Variants in RGPD4 observed in about 807,000 individuals in gnomAD.
RGPD4 encodes RANBP2 like and GRIP domain containing 4.
RGPD4 carries 84 observed loss-of-function variants against 141.1 expected under a neutral mutation model. The observed-to-expected ratio is 0.60, with a 90% CI of 0.50 to 0.71. RGPD4 has a LOEUF of 0.71. RGPD4 is among the 30% of genes least tolerant of loss of function. The pLI is 0.00. For missense variants in RGPD4, 918 were observed against 1,622.4 expected, an observed-to-expected ratio of 0.57 and a Z score of 7.46; for synonymous variants, 298 against 566.8, an observed-to-expected ratio of 0.53 and a Z score of 6.74.
chr2:107,853,541 A>G (rs781599162), intron 7 of RGPD4, among the ~76,000 whole-genome samples: 4,280 of 121,094 alleles, frequency 0.035, 55 homozygotes, highest in African/African-American at 0.06. Flanking sequence ...AAAATGTGTT[A>G]TCTACAATGT....
rs1682977976 is a variant in RGPD4, at chr2:107,872,767, T to C, written c.4763T>C (p.Val1588Ala). The C allele has an allele frequency of 6.2e-7, 1 of 1,611,382 alleles. No homozygotes were observed. The highest frequency in any genetic ancestry group is 1.3e-5 in the African/African-American group (1 of 74,388). ...LKSNNSETSSVAQSGSESKVE... is the reference protein window; with the variant it reads ...LKSNNSETSSAAQSGSESKVE... ...AGTAACAACAGTGAAACTAGTTCAGTAGCCCAGAGTGGATCTGAAAGCAAA... is the reference window on the plus strand; with the variant it reads ...AGTAACAACAGTGAAACTAGTTCAGCAGCCCAGAGTGGATCTGAAAGCAAA... Residue 1588 changes from valine to alanine, a missense_variant, in exon 20 of 23, where the codon GTA becomes GCA. Transcript: ENST00000408999.
In RGPD4 at chr2:107,890,842, T is replaced by C. The variant is rs1389376187; in HGVS notation, c.*111T>C. 4 of 1,435,906 alleles carry C rather than the reference T, an allele frequency of 2.8e-6. No individual in the cohort carries two copies. The highest frequency in any genetic ancestry group is 4.0e-5 in the Admixed American group (2 of 50,342). The allele number at this position is 1,435,906 out of a possible 1,614,324, so 88.9% of individuals were successfully genotyped here. On this transcript the variant is annotated 3_prime_UTR_variant, in exon 23 of 23. Transcript: ENST00000408999. ...ACCAAATAAAATCTATTTACAAAAA[T>C]GGTTCATGTGTATTACCATCATTCT...
Position 107,872,821 on chromosome 2 carries a change from A to G in RGPD4, c.4817A>G (p.Lys1606Arg), listed in dbSNP as rs1244228585. 1 of 1,609,064 alleles carries G rather than the reference A, an allele frequency of 6.2e-7. No individual in the cohort carries two copies. Among genetic ancestry groups the G allele is most frequent in the Non-Finnish European group, 8.5e-7 (1 of 1,179,178 alleles). ...KVEPKKCELSKNSDIEQSSDS... is the reference protein window; with the variant it reads ...KVEPKKCELSRNSDIEQSSDS... The stretch of plus-strand genomic sequence containing the variant: ...GAACCTAAAAAATGTGAACTGTCAA[A>G]GAACTCTGATATCGAACAGTCTTCA... Residue 1606 changes from lysine to arginine, a missense_variant, in exon 20 of 23, where the codon AAG (lysine) becomes AGG (arginine). Physicochemically the swap from Lys to Arg is conservative, Grantham distance 26. Transcript: ENST00000408999.
At chr2:107,867,218 A>G (rs1333167967) in intron 18 of RGPD4, among the ~76,000 whole-genome samples, 1 of 150,974 alleles carries the variant, frequency 6.6e-6, no homozygotes, top group African/African-American at 2.4e-5. Flanking sequence ...AAATAACAAA[A>G]TTGTTCCTTT....
chr2:107,858,602 C>T (rs1200020289), intron 9 of RGPD4, among the ~76,000 whole-genome samples: 1 of 152,114 alleles, frequency 6.6e-6, no homozygotes, highest in African/African-American at 2.4e-5. Flanking sequence ...CCGTGCTCGG[C>T]TAATTTTTTG....
chr2:107,831,572 CTTTTTTTTTTT>C (rs1166609493), intron 1 of RGPD4, among the ~76,000 whole-genome samples: 1 of 108,830 alleles, frequency 9.2e-6, no homozygotes, highest in Non-Finnish European at 1.9e-5. Context: ...CTTTTCTTTT[CTTTTTTTTTTT>C]TTTTTTTTTT....
In RGPD4 at chr2:107,836,604, G is replaced by C; in HGVS notation, c.75G>C (p.Lys25Asn). The C allele has an allele frequency of 6.7e-7, 1 of 1,499,500 alleles. No individual in the cohort carries two copies. The highest frequency in any genetic ancestry group is 9.0e-7 in the Non-Finnish European group (1 of 1,116,046). The allele number at this position is 1,499,500 out of a possible 1,614,324, so 92.9% of individuals were successfully genotyped here. ...VQGSAPSPRK[K>N]STRGFYFAKL... ...AAACAACTTTTAATTTTTTTTAGAA[G>C]TCAACGAGAGGATTCTATTTTGCAA... Residue 25 changes from lysine to asparagine, a missense_variant and splice_region_variant, in exon 2 of 23, where the codon AAG becomes AAC. Coordinates refer to ENST00000408999, the MANE Select transcript of RGPD4 (RefSeq NM_182588.3).
intron 21 of RGPD4, among the ~76,000 whole-genome samples, chr2:107,882,249 T>A (rs1200924017): frequency 6.7e-6 from 1 of 149,846 alleles, no homozygotes; most frequent in Non-Finnish European, 1.5e-5. Flanking sequence ...TTCCACCTCT[T>A]CATCTGTTTC....
intron 6 of RGPD4, among the ~76,000 whole-genome samples, chr2:107,845,048 C>CTCTTTTTTTTTTTGAGACTGAGT (rs2104422057): frequency 7.1e-6 from 1 of 141,214 alleles, no homozygotes; most frequent in South Asian, 2.3e-4. Flanking sequence ...GTCTCAATCT[C>CTCTTTTTTTTTTTGAGACTGAGT]TCTTTTTTTT....
chr2:107,827,736 C>T (rs1324548038), intron 1 of RGPD4, among the ~76,000 whole-genome samples: 1 of 52,512 alleles, frequency 1.9e-5, no homozygotes, highest in Admixed American at 1.5e-4. Context: ...CTCGATGGCT[C>T]AGGCGTCATG....
In RGPD4 at chr2:107,854,552, T is replaced by G; in HGVS notation, c.979-4T>G. On this transcript the variant is annotated splice_polypyrimidine_tract_variant and splice_region_variant and intron_variant, in intron 7 of 22. Coordinates refer to ENST00000408999, the MANE Select transcript of RGPD4 (RefSeq NM_182588.3). ...ATTAAGATTTTTGATTCTAAAATTA[T>G]TAGGTTCCAAGACCAAAGATTAAAT... The G allele has an allele frequency of 2.1e-6, 3 of 1,424,646 alleles. No individual in the cohort carries two copies. The South Asian group carries it at 4.0e-5, about 19-fold the overall frequency. 88.3% of individuals were successfully genotyped at this position (1,424,646 alleles called of 1,614,324 possible).
At chr2:107,890,574 G>T (rs143449441) in intron 22 of RGPD4, 147 bp from the exon 23 acceptor site, 3 of 33,098 alleles carry the variant, frequency 9.1e-5, no homozygotes, top group Non-Finnish European at 1.6e-4. Flanking sequence ...AAAAAAAAAA[G>T]AACCCCCCCC....
intron 6 of RGPD4, among the ~76,000 whole-genome samples, chr2:107,845,299 C>T (rs1444394346): frequency 8.5e-5 from 10 of 117,968 alleles, no homozygotes; most frequent in South Asian, 6.3e-4. Context: ...AGTACAGTGG[C>T]GCAATCTCGG....
At chr2:107,844,536 T>G (rs1450773476) in intron 6 of RGPD4, among the ~76,000 whole-genome samples, 39 of 151,356 alleles carry the variant, frequency 2.6e-4, no homozygotes, top group African/African-American at 9.3e-4. Context: ...GTCCATTTGT[T>G]TGGAAGTTAA....
In RGPD4 at chr2:107,827,056, G is replaced by C; in HGVS notation, c.43G>C (p.Val15Leu). The C allele has an allele frequency of 6.3e-7, 1 of 1,594,472 alleles. No homozygotes were observed. Among genetic ancestry groups the C allele is most frequent in the Non-Finnish European group, 8.5e-7 (1 of 1,171,784 alleles). The stretch of plus-strand genomic sequence containing the variant: ...CTACGGGGAGCGGTACGTCGCCTCC[G>C]TGCAGGGCTCCGCCCCGTCGCCTCG... Reference protein sequence around the residue: ...KAYGERYVASVQGSAPSPRKK... With the variant: ...KAYGERYVASLQGSAPSPRKK... Residue 15 changes from valine (V) to leucine (L), a missense_variant, in exon 1 of 23, where the codon GTG (valine) becomes CTG (leucine). Coordinates refer to ENST00000408999, the MANE Select transcript of RGPD4 (RefSeq NM_182588.3).
intron 20 of RGPD4, among the ~76,000 whole-genome samples, chr2:107,873,593 AAAAAAAAT>A: frequency 1.1e-5 from 1 of 90,140 alleles, no homozygotes; most frequent in African/African-American, 4.5e-5. Flanking sequence ...AAAAAAAAAA[AAAAAAAAT>A]ATGATATTGA....
At chr2:107,849,551 T>C (rs1682065411) in intron 7 of RGPD4, among the ~76,000 whole-genome samples, 1 of 25,736 alleles carries the variant, frequency 3.9e-5, no homozygotes, top group African/African-American at 1.9e-4. Flanking sequence ...TTTGTACTTT[T>C]AGTAGAGACG....
intron 4 of RGPD4, among the ~76,000 whole-genome samples, chr2:107,840,438 G>A (rs569580275): frequency 7.8e-4 from 119 of 152,338 alleles, no homozygotes; most frequent in African/African-American, 2.7e-3. Flanking sequence ...TCAGCCTTCC[G>A]GGTAGCTGGG....
rs1164474301 is a variant in RGPD4 at position 107,872,766 on chromosome 2, G to C, written c.4762G>C (p.Val1588Leu). 1 of 1,611,334 alleles carries C rather than the reference G, an allele frequency of 6.2e-7. No homozygotes were observed. The change falls in exon 20 of 23, where the codon GTA (valine) becomes CTA (leucine). Residue 1588 changes from valine (V) to leucine (L), a missense_variant. Transcript: ENST00000408999. Reference protein sequence around the residue: ...LKSNNSETSSVAQSGSESKVE... With the variant: ...LKSNNSETSSLAQSGSESKVE... ...AAGTAACAACAGTGAAACTAGTTCA[G>C]TAGCCCAGAGTGGATCTGAAAGCAA...
Sources: gnomAD v4.1 joint callset for allele counts (sites outside exome capture counted in the v4.1 genomes callset) on GRCh38, gnomAD v4.1.1 for gene constraint, MANE v1.5 for transcripts, NCBI Gene and HGNC (gene_info 2026-07-23, HGNC 2026-07-21) for gene names.